The following CLDN16 variants were observed in gnomAD, a reference collection of about 807,000 sequenced individuals.
CLDN16 encodes claudin-16.
Under a neutral mutation model 24.6 loss-of-function variants are expected in CLDN16, and 13 were observed. That is an observed-to-expected ratio of 0.53 (90% CI 0.34 to 0.84). The LOEUF is 0.84. CLDN16 is among the 40% of genes least tolerant of loss of function. CLDN16 has a pLI of 0.01. For synonymous variants in CLDN16, 116 were observed against 106.7 expected (o/e 1.09, Z -0.54); for missense variants, 298 against 292.7 (o/e 1.02, Z -0.13).
At chr3:190,299,305 G>C in the CLDN16 span, among the ~76,000 whole-genome samples, 1 of 151,776 alleles carries the variant, frequency 6.6e-6, no homozygotes, top group Non-Finnish European at 1.5e-5. Context: ...TGTTATAATT[G>C]ATCTATTGGT....
intron 1 of CLDN16, among the ~76,000 whole-genome samples, chr3:190,333,947 G>A (rs1401542063): frequency 6.6e-6 from 1 of 152,088 alleles, no homozygotes; most frequent in Non-Finnish European, 1.5e-5. Context: ...TAGGTAAAGA[G>A]TATTATGGAA....
chr3:190,375,566 A>G (rs1313927341), intron 3 of CLDN16, among the ~76,000 whole-genome samples: 2 of 151,978 alleles, frequency 1.3e-5, no homozygotes, highest in Non-Finnish European at 2.9e-5. Flanking sequence ...CAGGGGGTTA[A>G]AAAACAGGTT....
chr3:190,399,669 T>C (rs1412617247), intron 1 of CLDN16, among the ~76,000 whole-genome samples: 2 of 152,210 alleles, frequency 1.3e-5, no homozygotes, highest in African/African-American at 4.8e-5. Flanking sequence ...TTATTTTTTG[T>C]TGGAAACATT....
the CLDN16 span, among the ~76,000 whole-genome samples, chr3:190,290,483 G>T: frequency 3.3e-5 from 5 of 152,184 alleles, no homozygotes; most frequent in East Asian, 5.8e-4. Flanking sequence ...TTCAGTCCTA[G>T]GTGGAAGACA....
At chr3:190,297,177 G>A in the CLDN16 span, among the ~76,000 whole-genome samples, 1 of 28,418 alleles carries the variant, frequency 3.5e-5, no homozygotes, top group Admixed American at 2.9e-4. Flanking sequence ...TTTGCTTCCA[G>A]TCTTATGAAG....
chr3:190,340,237 C>T (rs968456721), intron 1 of CLDN16, among the ~76,000 whole-genome samples: 1 of 152,198 alleles, frequency 6.6e-6, no homozygotes, highest in African/African-American at 2.4e-5. Flanking sequence ...AGCATTTCCT[C>T]TGAGATCTGG....
At chr3:190,324,942 A>G (rs1437802619) in intron 1 of CLDN16, among the ~76,000 whole-genome samples, 1 of 152,206 alleles carries the variant, frequency 6.6e-6, no homozygotes, top group Non-Finnish European at 1.5e-5. Context: ...AAGGCTGGCA[A>G]TGGTATGGTA....
chr3:190,402,088 C>G lies in CLDN16; in HGVS notation c.115-249C>G, dbSNP rs182972445. On this transcript the variant is annotated intron_variant, in intron 1 of 4. Coordinates refer to ENST00000264734, the MANE Select transcript of CLDN16 (RefSeq NM_006580.4). ...TAGCTCTGGTTTTATCTCTTCCAGA[C>G]GTGACTTATTTCTCTACCCCCACCC... 5.3e-4 allele frequency among the ~76,000 whole-genome samples: 81 copies of G among 152,272 alleles called. 2 individuals are homozygous for G. In the South Asian group the frequency reaches 7.9e-3, roughly 15 times the overall value.
chr3:190,312,165 A>G, the CLDN16 span, among the ~76,000 whole-genome samples: 1 of 152,044 alleles, frequency 6.6e-6, no homozygotes, highest in Admixed American at 6.6e-5. Context: ...TCACGACCTC[A>G]GGTGATCCGC....
the CLDN16 span, chr3:190,310,046 T>G: frequency 1.3e-6 from 1 of 777,548 alleles, no homozygotes; most frequent in Non-Finnish European, 2.2e-6. Flanking sequence ...TTAAATTGTT[T>G]GTAGGTTTGA....
intron 4 of CLDN16, among the ~76,000 whole-genome samples, chr3:190,409,045 T>C (rs1268383585): frequency 6.6e-6 from 1 of 151,264 alleles, no homozygotes; most frequent in African/African-American, 2.4e-5. Context: ...TGTGGATTTT[T>C]TCAATTAATG....
chr3:190,340,019 T>A lies in CLDN16; in HGVS notation n.121+17358T>A, dbSNP rs370749880. ...AAAAGGTTGGTTTAATATAAACAAATCAGTTGGTGATATATCATATTAACA... is the reference window on the plus strand; with the variant it reads ...AAAAGGTTGGTTTAATATAAACAAAACAGTTGGTGATATATCATATTAACA... On this transcript the variant is annotated intron_variant and non_coding_transcript_variant, in intron 1 of 4. Transcript: ENST00000468220. Among the ~76,000 whole-genome samples, 103 of 152,276 alleles carry A rather than the reference T, an allele frequency of 6.8e-4. 1 individual carries two copies. The South Asian group carries it at 0.021, about 31-fold the overall frequency.
chr3:190,410,271 A>G lies in CLDN16; in HGVS notation c.*235A>G, dbSNP rs1719243230. 1 of 521,790 alleles carries G rather than the reference A, an allele frequency of 1.9e-6. No individual in the cohort carries two copies. Among genetic ancestry groups the G allele is most frequent in the Non-Finnish European group, 3.4e-6 (1 of 291,106 alleles). The allele number at this position is 521,790 out of a possible 1,614,324, so 32.3% of individuals were successfully genotyped here. On this transcript the variant is annotated 3_prime_UTR_variant, in exon 5 of 5. Coordinates refer to ENST00000264734, the MANE Select transcript of CLDN16 (RefSeq NM_006580.4). ...ATGCACACACTTTCCCTATATTTTA[A>G]GATAAGTCTGCTAGGATGTAGAAAT...
intron 1 of CLDN16, among the ~76,000 whole-genome samples, chr3:190,400,283 G>A (rs1718930772): frequency 6.6e-6 from 1 of 152,004 alleles, no homozygotes; most frequent in African/African-American, 2.4e-5. Flanking sequence ...TCTGTCGCCA[G>A]GCTGCAGTGC....
the CLDN16 span, among the ~76,000 whole-genome samples, chr3:190,293,391 A>G: frequency 6.6e-6 from 1 of 152,342 alleles, no homozygotes; most frequent in East Asian, 1.9e-4. Flanking sequence ...CAGGCCATGT[A>G]ATATATAGGA....
At chr3:190,325,752 A>AT (rs1328514219) in intron 1 of CLDN16, among the ~76,000 whole-genome samples, 1 of 152,112 alleles carries the variant, frequency 6.6e-6, no homozygotes, top group Non-Finnish European at 1.5e-5. Context: ...TGGGATGTTA[A>AT]TTTTTTTGCT....
Position 190,407,719 on chromosome 3 carries a change from T to C in CLDN16, c.383-595T>C, listed in dbSNP as rs542326829. Among the ~76,000 whole-genome samples the C allele has an allele frequency of 5.3e-5, 8 of 152,304 alleles. No homozygotes were observed. In the East Asian group the frequency reaches 1.3e-3, roughly 26 times the overall value. ...TCTTATATGGTGTGAGGGTAGTAGA[T>C]AAAGATTTATTTGAAAATAAAAACA... On this transcript the variant is annotated intron_variant, in intron 3 of 4. Transcript: ENST00000264734.
In CLDN16 at chr3:190,358,904, G is replaced by A. The variant is rs112986314; in HGVS notation, n.122-11989G>A. ...AATGGGTAAATTTTCCTAAATAAGA[G>A]GCCTTATGGCCTTTCCTTTGAAAAA... On this transcript the variant is annotated intron_variant and non_coding_transcript_variant, in intron 1 of 4. Transcript: ENST00000468220. 1.2e-3 allele frequency among the ~76,000 whole-genome samples: 180 copies of A among 152,008 alleles called. 2 individuals carry two copies. Among genetic ancestry groups the A allele is most frequent in the African/African-American group, 4.2e-3 (175 of 41,496 alleles).
intron 1 of CLDN16, among the ~76,000 whole-genome samples, chr3:190,354,757 A>G (rs1358319103): frequency 6.6e-6 from 1 of 152,048 alleles, no homozygotes; most frequent in Non-Finnish European, 1.5e-5. Flanking sequence ...TTAAAGAATG[A>G]AGCAAACAGC....
Sources: gnomAD v4.1 joint callset for allele counts (sites outside exome capture counted in the v4.1 genomes callset) on GRCh38, gnomAD v4.1.1 for gene constraint, MANE v1.5 for transcripts, NCBI Gene and HGNC (gene_info 2026-07-23, HGNC 2026-07-21) for gene names.